Variants in TPD52 observed in about 807,000 individuals in gnomAD.
TPD52 encodes the protein prostate and colon associated protein.
Under a neutral mutation model 31.3 loss-of-function variants are expected in TPD52, and 17 were observed. The ratio of observed to expected loss-of-function variants is 0.54; its 90% CI spans 0.37 to 0.82. The LOEUF is 0.82. Among genes scored for constraint, TPD52 ranks in the 40% least tolerant of loss-of-function variants. The pLI, the probability that TPD52 is intolerant of heterozygous loss-of-function variation, is 0.00. For missense variants in TPD52, 212 were observed against 240.1 expected, an observed-to-expected ratio of 0.88 and a Z score of 0.77; for synonymous variants, 83 against 89.6, an observed-to-expected ratio of 0.93 and a Z score of 0.42.
chr8:80,102,834 G>T (rs1313533159), intron 1 of TPD52, among the ~76,000 whole-genome samples: 1 of 152,128 alleles, frequency 6.6e-6, no homozygotes, highest in African/African-American at 2.4e-5. Context: ...GGGGAGAGGG[G>T]CTTACAGTTG....
intron 1 of TPD52, 85 bp downstream of exon 1, chr8:80,171,340 C>G: frequency 6.4e-7 from 1 of 1,552,860 alleles, no homozygotes; most frequent in Non-Finnish European, 8.7e-7. Context: ...GCCGCCGGGC[C>G]GCGCTCAGCC....
intron 1 of TPD52, chr8:80,080,423 C>T: frequency 6.2e-7 from 1 of 1,614,132 alleles, no homozygotes; most frequent in Admixed American, 1.7e-5. Flanking sequence ...GACTGGTAGT[C>T]CTCATATAAG....
intron 1 of TPD52, among the ~76,000 whole-genome samples, chr8:80,123,518 G>A (rs1473149792): frequency 6.6e-6 from 1 of 152,186 alleles, no homozygotes; most frequent in Non-Finnish European, 1.5e-5. Flanking sequence ...TTGAGCCCAG[G>A]AGTCGGAGAC....
intron 1 of TPD52, among the ~76,000 whole-genome samples, chr8:80,106,638 G>A (rs1275611741): frequency 2.0e-5 from 3 of 151,354 alleles, no homozygotes; most frequent in African/African-American, 4.9e-5. Context: ...TTACAGACAT[G>A]AGCCACTGTG....
intron 1 of TPD52, among the ~76,000 whole-genome samples, chr8:80,170,183 G>A (rs895415733): frequency 6.6e-6 from 1 of 152,200 alleles, no homozygotes; most frequent in Non-Finnish European, 1.5e-5. Flanking sequence ...GGGAGGCTGA[G>A]GCGGGTGGAT....
intron 1 of TPD52, among the ~76,000 whole-genome samples, chr8:80,153,718 C>T (rs1375286671): frequency 6.6e-6 from 1 of 152,170 alleles, no homozygotes; most frequent in Non-Finnish European, 1.5e-5. Flanking sequence ...GTGATAAACT[C>T]TATGATCTTG....
At chr8:80,040,922 G>A (rs1208758863) in intron 7 of TPD52, among the ~76,000 whole-genome samples, 2 of 152,170 alleles carry the variant, frequency 1.3e-5, no homozygotes, top group African/African-American at 4.8e-5. Flanking sequence ...CCTTTGAGAA[G>A]TATCAGTGAC....
chr8:80,071,540 T>C (rs1023561831), intron 1 of TPD52, among the ~76,000 whole-genome samples: 9 of 152,084 alleles, frequency 5.9e-5, no homozygotes, highest in Non-Finnish European at 1.0e-4. Context: ...TCTGGGTCAC[T>C]ACCCTCATCT....
chr8:80,037,018 A>G lies in TPD52; in HGVS notation c.*1098T>C, dbSNP rs927380420. The stretch of plus-strand genomic sequence containing the variant: ...TGACATTCAGTTTTCAAAGTAGGAG[A>G]CAGGTTCTACAGTATCATTTTACAG... On this transcript the variant is annotated 3_prime_UTR_variant, in exon 8 of 8. Coordinates refer to ENST00000518937, the MANE Select transcript of TPD52 (RefSeq NM_001025253.3). The G allele has an allele frequency of 6.6e-6, 1 of 152,592 alleles. No individual in the cohort carries two copies. Among genetic ancestry groups the G allele is most frequent in the African/African-American group, 2.4e-5 (1 of 41,442 alleles). 9.5% of individuals were successfully genotyped at this position (152,592 alleles called of 1,614,324 possible). A position where few individuals can be genotyped will look rare whatever the true frequency, so the allele number is the denominator to read the frequency against.
intron 1 of TPD52, among the ~76,000 whole-genome samples, chr8:80,077,648 A>C (rs1056823031): frequency 6.6e-6 from 1 of 152,364 alleles, no homozygotes; most frequent in Admixed American, 6.5e-5. Context: ...TAGCCTAACT[A>C]AACTTTGTGA....
At chr8:80,144,061 G>C (rs1810025501) in intron 1 of TPD52, among the ~76,000 whole-genome samples, 1 of 152,030 alleles carries the variant, frequency 6.6e-6, no homozygotes, top group Non-Finnish European at 1.5e-5. Flanking sequence ...AATTTTATAT[G>C]ACAAATTCTG....
At position 80,102,394 on chromosome 8, in the gene TPD52, C is replaced by T. The variant is rs146544784; in HGVS notation, c.20-37801G>A. On this transcript the variant is annotated intron_variant, in intron 1 of 7. Transcript: ENST00000518937. Reference sequence around the variant, plus strand: ...AGAAAGTGGTTGACAGAGAAAGAGACCCCTAGATGGAAGCCACTGTCCTTT... The same window carrying T: ...AGAAAGTGGTTGACAGAGAAAGAGATCCCTAGATGGAAGCCACTGTCCTTT... Among the ~76,000 whole-genome samples, 751 of 152,232 alleles carry T rather than the reference C, an allele frequency of 4.9e-3. 6 individuals are homozygous for T. The highest frequency in any genetic ancestry group is 0.016 in the African/African-American group (677 of 41,528).
intron 1 of TPD52, among the ~76,000 whole-genome samples, chr8:80,068,325 G>A (rs1360784111): frequency 1.3e-5 from 2 of 152,076 alleles, no homozygotes; most frequent in Non-Finnish European, 2.9e-5. Context: ...TCTGTCTCTC[G>A]ACTCAGCTCC....
intron 1 of TPD52, among the ~76,000 whole-genome samples, chr8:80,084,382 T>A (rs1017450661): frequency 3.9e-5 from 6 of 152,198 alleles, no homozygotes; most frequent in Admixed American, 2.6e-4. Context: ...AATCAATCAG[T>A]GGCCTTCCTT....
At chr8:80,118,555 A>C (rs2131016161) in intron 1 of TPD52, among the ~76,000 whole-genome samples, 1 of 152,362 alleles carries the variant, frequency 6.6e-6, no homozygotes, top group South Asian at 2.1e-4. Context: ...GTATCTAGAA[A>C]ATAAAAAGAA....
chr8:80,065,769 A>G (rs1407204813), intron 1 of TPD52, among the ~76,000 whole-genome samples: 1 of 152,060 alleles, frequency 6.6e-6, no homozygotes, highest in Non-Finnish European at 1.5e-5. Context: ...TAAAATTGTG[A>G]TATTTTATTC....
intron 1 of TPD52, among the ~76,000 whole-genome samples, chr8:80,120,443 G>A (rs535752004): frequency 1.1e-4 from 16 of 151,846 alleles, no homozygotes; most frequent in African/African-American, 3.6e-4. Context: ...GAGCTGCCAC[G>A]GCACTCCAGC....
rs57456374 is a variant in TPD52 at position 80,152,780 on chromosome 8, C to CA, written c.19+18644dup. 4.0e-3 allele frequency among the ~76,000 whole-genome samples: 333 copies of CA among 83,512 alleles called. 11 individuals are homozygous for CA. Among genetic ancestry groups the CA allele is most frequent in the Middle Eastern group, 7.9e-3 (1 of 126 alleles). 54.8% of individuals were successfully genotyped at this position (83,512 alleles called of 152,430 possible). On this transcript the variant is annotated intron_variant, in intron 1 of 7. Transcript: ENST00000518937. ...TGGGCGAAAGTGTGAGACTCCGTCT[C>CA]AAAAAAAAAAAAAAAAAATGCCAGG...
intron 1 of TPD52, among the ~76,000 whole-genome samples, chr8:80,145,443 T>C (rs989546482): frequency 1.5e-4 from 23 of 152,202 alleles, no homozygotes; most frequent in Non-Finnish European, 3.2e-4. Flanking sequence ...AGCTAGACTA[T>C]GAAGGAGCAG....
Sources: allele counts gnomAD v4.1 joint callset (sites outside exome capture counted in the v4.1 genomes callset), GRCh38; gene constraint gnomAD v4.1.1; transcripts MANE v1.5; gene names NCBI Gene and HGNC (gene_info 2026-07-23, HGNC 2026-07-21).